CYFIP1: variants seen among roughly 807,000 people sequenced by gnomAD.
The protein encoded by CYFIP1 is cytoplasmic FMR1-interacting protein 1.
Under a neutral mutation model 163.5 loss-of-function variants are expected in CYFIP1, and 58 were observed. The ratio of observed to expected loss-of-function variants is 0.35; its 90% CI spans 0.29 to 0.44. The LOEUF is 0.44. CYFIP1 is among the 20% of genes least tolerant of loss of function. The pLI is 1.00. For missense variants in CYFIP1, 1,338 were observed against 1,653.8 expected (o/e 0.81, Z 3.31); for synonymous variants, 663 against 660.7 (o/e 1.00, Z -0.05).
chr15:22,932,188 C>CCA, intron 11 of CYFIP1, 35 bp downstream of exon 11: 1 of 1,512,796 alleles, frequency 6.6e-7, no homozygotes, highest in Non-Finnish European at 9.1e-7. Context: ...AGGCGACCCT[C>CCA]GGGTGCCTGT....
At chr15:22,976,349 G>T (rs2063279100) in intron 1 of CYFIP1, among the ~76,000 whole-genome samples, 1 of 152,030 alleles carries the variant, frequency 6.6e-6, no homozygotes, top group South Asian at 2.1e-4. Context: ...GTAGAGACAG[G>T]GTTTCACTAT....
chr15:22,956,839 G>A (rs560856263), intron 1 of CYFIP1, among the ~76,000 whole-genome samples: 14 of 152,244 alleles, frequency 9.2e-5, no homozygotes, highest in South Asian at 2.1e-4. Context: ...TGCACTGCCC[G>A]CTCCAGCCAG....
At chr15:22,959,950 C>A (rs1222915756) in intron 1 of CYFIP1, among the ~76,000 whole-genome samples, 3 of 152,210 alleles carry the variant, frequency 2.0e-5, no homozygotes, top group Non-Finnish European at 4.4e-5. Flanking sequence ...GGACCTGAAT[C>A]CCCGAATCCC....
In CYFIP1 at chr15:22,869,546, G is replaced by A. The variant is rs368032749; in HGVS notation, c.*482C>T. The A allele has an allele frequency of 1.3e-5, 2 of 152,584 alleles. No homozygotes were observed. The highest frequency in any genetic ancestry group is 4.8e-5 in the African/African-American group (2 of 41,582). 9.5% of individuals were successfully genotyped at this position (152,584 alleles called of 1,614,324 possible). On this transcript the variant is annotated 3_prime_UTR_variant, in exon 31 of 31. Transcript: ENST00000617928. ...GTCACAACTGGATTTAGTGGAAGCA[G>A]GGGAATCAAGTTCACTATTTTCTGA...
chr15:22,952,867 C>T (rs200425039), intron 1 of CYFIP1, among the ~76,000 whole-genome samples: 1 of 152,188 alleles, frequency 6.6e-6, no homozygotes, highest in East Asian at 1.9e-4. Flanking sequence ...TTTCTCCCAG[C>T]TTCCACAAAA....
chr15:22,959,573 A>G (rs183782677), intron 1 of CYFIP1, among the ~76,000 whole-genome samples: 1 of 152,296 alleles, frequency 6.6e-6, no homozygotes, highest in African/African-American at 2.4e-5. Flanking sequence ...GGCACCAAGC[A>G]TGACCTCGGG....
intron 1 of CYFIP1, among the ~76,000 whole-genome samples, chr15:22,964,411 G>A (rs1238736550): frequency 8.4e-5 from 8 of 95,780 alleles, no homozygotes; most frequent in African/African-American, 3.2e-4. Flanking sequence ...ACACACACCC[G>A]GCAGCCCTGC....
chr15:22,921,670 G>C (rs1277816016), intron 13 of CYFIP1, among the ~76,000 whole-genome samples: 3 of 151,040 alleles, frequency 2.0e-5, no homozygotes, highest in South Asian at 2.1e-4. Flanking sequence ...TACAAAAATT[G>C]GCCAGAAGTA....
intron 30 of CYFIP1, among the ~76,000 whole-genome samples, chr15:22,872,483 T>C (rs905877120): frequency 3.9e-5 from 6 of 152,024 alleles, no homozygotes; most frequent in African/African-American, 1.5e-4. Context: ...GAGGGATCCA[T>C]AAAGCAACAA....
At position 22,939,254 on chromosome 15, in the gene CYFIP1, A is replaced by G; in HGVS notation, c.733T>C (p.Cys245Arg). 1 of 1,614,158 alleles carries G rather than the reference A, an allele frequency of 6.2e-7. No homozygotes were observed. Among genetic ancestry groups the G allele is most frequent in the Non-Finnish European group, 8.5e-7 (1 of 1,180,012 alleles). The change falls in exon 8 of 31, where the codon TGT becomes CGT. Residue 245 changes from cysteine (C) to arginine (R), a missense_variant. Transcript: ENST00000617928. ...EELLADIVNL[C>R]VDYYENRMYL... ...ATCCTGTTCTCGTAGTAATCCACAC[A>G]CAGATTCACAATATCTGCCAGGAGC...
intron 22 of CYFIP1, among the ~76,000 whole-genome samples, chr15:22,894,966 C>T (rs1381997710): frequency 1.3e-5 from 2 of 150,154 alleles, no homozygotes; most frequent in East Asian, 3.9e-4. Flanking sequence ...AGTCATCCTC[C>T]CACCTCAGCC....
At position 22,947,288 on chromosome 15, in the gene CYFIP1, T is replaced by A; in HGVS notation, c.-3A>T. The A allele has an allele frequency of 7.4e-6, 12 of 1,613,624 alleles. No homozygotes were observed. The highest frequency in any genetic ancestry group is 1.0e-5 in the Non-Finnish European group (12 of 1,179,788). On this transcript the variant is annotated 5_prime_UTR_variant, in exon 2 of 31. Coordinates refer to ENST00000617928, the MANE Select transcript of CYFIP1 (RefSeq NM_014608.6). Reference sequence around the variant, plus strand: ...TCCAGAGTCACCTGGGCCGCCATCCTGGGCTGGAACAACACATAAGGACCC... The same window carrying A: ...TCCAGAGTCACCTGGGCCGCCATCCAGGGCTGGAACAACACATAAGGACCC...
chr15:22,894,288 T>C lies in CYFIP1; in HGVS notation c.2589-1311A>G, dbSNP rs973390563. ...TTACAGCAGACTTTTCTTTTTTTTT[T>C]TTTTTTTTTTTTTTTTCTGAGATGG... On this transcript the variant is annotated intron_variant, in intron 22 of 30. Transcript: ENST00000617928. Among the ~76,000 whole-genome samples, 34 of 141,656 alleles carry C rather than the reference T, an allele frequency of 2.4e-4. No individual in the cohort carries two copies. In the East Asian group the frequency reaches 3.4e-3, roughly 14 times the overall value. 92.9% of individuals were successfully genotyped at this position (141,656 alleles called of 152,430 possible).
At chr15:22,871,068 C>CCCCA (rs1293679229) in intron 30 of CYFIP1, among the ~76,000 whole-genome samples, 2 of 152,176 alleles carry the variant, frequency 1.3e-5, no homozygotes, top group Non-Finnish European at 2.9e-5. Flanking sequence ...ACCGAAGACT[C>CCCCA]CCCAGTGAAG....
chr15:22,913,527 CAAAAAAAAA>C (rs35228444), intron 17 of CYFIP1, among the ~76,000 whole-genome samples: 1 of 10,286 alleles, frequency 9.7e-5, no homozygotes, highest in Non-Finnish European at 1.7e-4. Context: ...GGCTCTGTCT[CAAAAAAAAA>C]AAAAAAAAAA....
At chr15:22,878,263 G>A (rs1030566514) in intron 26 of CYFIP1, among the ~76,000 whole-genome samples, 1 of 152,198 alleles carries the variant, frequency 6.6e-6, no homozygotes, top group Non-Finnish European at 1.5e-5. Context: ...GCAAGGCAGG[G>A]AACGCGGCAA....
chr15:22,884,494 TGATGTAA>T (rs1292113313), intron 23 of CYFIP1, among the ~76,000 whole-genome samples: 1 of 152,202 alleles, frequency 6.6e-6, no homozygotes, highest in Non-Finnish European at 1.5e-5. Context: ...CAGGTCACAC[TGATGTAA>T]GATGTGGGCT....
chr15:22,913,967 A>G (rs959404439), intron 17 of CYFIP1, among the ~76,000 whole-genome samples: 3 of 152,228 alleles, frequency 2.0e-5, no homozygotes, highest in African/African-American at 7.2e-5. Flanking sequence ...CACGGTGCTC[A>G]GAAGACAGAC....
Position 22,882,894 on chromosome 15 carries a change from C to T in CYFIP1, c.2794G>A (p.Glu932Lys). 1 of 1,613,776 alleles carries T rather than the reference C, an allele frequency of 6.2e-7. No individual in the cohort carries two copies. ...GYQGIAVVMEELLKVVKSLLQ... is the reference protein window; with the variant it reads ...GYQGIAVVMEKLLKVVKSLLQ... ...AGGCTCTTGACGACCTTCAGCAGCT[C>T]CTCCATGACCACGGCGATACCCTGG... Residue 932 changes from glutamate (E) to lysine (K), a missense_variant, in exon 24 of 31, where the codon GAG (glutamate) becomes AAG (lysine). Physicochemically the swap from Glu to Lys is moderately conservative, Grantham distance 56. Around this residue, in one of 4 missense-constraint regions of CYFIP1, gnomAD observed 824 missense variants for 995.7 expected, o/e 0.83. Transcript: ENST00000617928.
Sources: allele counts gnomAD v4.1 joint callset (sites outside exome capture counted in the v4.1 genomes callset), GRCh38; gene constraint gnomAD v4.1.1; regional missense constraint gnomAD v4.1.1; transcripts MANE v1.5; gene names NCBI Gene and HGNC (gene_info 2026-07-23, HGNC 2026-07-21).